EXOC5: variants seen among roughly 807,000 people sequenced by gnomAD.
EXOC5 encodes SEC10-like 1.
In EXOC5, 17 loss-of-function variants were observed where a neutral mutation model predicts 90.8. That is an observed-to-expected ratio of 0.19 (90% CI 0.13 to 0.28). EXOC5 has a LOEUF of 0.28. Ranked by LOEUF, EXOC5 falls within the 10% of genes least tolerant of loss-of-function variation. The probability of loss-of-function intolerance (pLI) is 1.00; values close to 1 mark genes in which losing one functional copy is unlikely to be tolerated. For synonymous variants in EXOC5, 260 were observed against 270.0 expected, an observed-to-expected ratio of 0.96 and a Z score of 0.36; for missense variants, 569 against 830.6, an observed-to-expected ratio of 0.69 and a Z score of 3.87.
rs1038158153 is a variant in EXOC5, at chr14:57,203,914, G to A, written c.*4695C>T. The A allele has an allele frequency of 1.3e-5, 2 of 152,530 alleles. No individual in the cohort carries two copies. Among genetic ancestry groups the A allele is most frequent in the Non-Finnish European group, 2.9e-5 (2 of 68,006 alleles). The allele number at this position is 152,530 out of a possible 1,614,324, so 9.4% of individuals were successfully genotyped here. ...ATCCATTCCACCTGCTCAAATATTA[G>A]TGCAAATAATTATATATTTGTAATG... On this transcript the variant is annotated 3_prime_UTR_variant, in exon 18 of 18. Transcript: ENST00000621441.
intron 15 of EXOC5, among the ~76,000 whole-genome samples, chr14:57,217,135 G>A (rs1213973591): frequency 6.6e-6 from 1 of 152,182 alleles, no homozygotes; most frequent in Non-Finnish European, 1.5e-5. Flanking sequence ...GCAGGTAAAA[G>A]AGGACATTTG....
chr14:57,228,851 A>T (rs1883393507), intron 12 of EXOC5, among the ~76,000 whole-genome samples: 1 of 148,580 alleles, frequency 6.7e-6, no homozygotes, highest in Non-Finnish European at 1.5e-5. Flanking sequence ...AACTTAAAGT[A>T]TAAAAAAAAA....
intron 12 of EXOC5, among the ~76,000 whole-genome samples, chr14:57,228,211 T>C (rs1883369077): frequency 1.3e-5 from 2 of 152,106 alleles, no homozygotes; most frequent in South Asian, 4.1e-4. Context: ...CAACAAATGC[T>C]GGAGAGGATG....
At chr14:57,262,572 ATATACG>A (rs1884536306) in intron 1 of EXOC5, among the ~76,000 whole-genome samples, 1 of 147,798 alleles carries the variant, frequency 6.8e-6, no homozygotes, top group African/African-American at 2.5e-5. Flanking sequence ...GTGTATATAT[ATATACG>A]TATATATATA....
intron 15 of EXOC5, among the ~76,000 whole-genome samples, chr14:57,213,389 AT>A (rs565177994): frequency 6.6e-6 from 1 of 150,978 alleles, no homozygotes; most frequent in African/African-American, 2.4e-5. Flanking sequence ...CTCTAAACAA[AT>A]TTTTTTTTAT....
chr14:57,240,604 G>T (rs991840551), intron 4 of EXOC5, among the ~76,000 whole-genome samples: 1 of 151,866 alleles, frequency 6.6e-6, no homozygotes, highest in Non-Finnish European at 1.5e-5. Flanking sequence ...ATTTATTCAA[G>T]TTGTGGAACT....
chr14:57,246,947 A>G (rs1358833830), intron 2 of EXOC5, 89 bp from the exon 3 acceptor site: 51 of 716,560 alleles, frequency 7.1e-5, no homozygotes. Context: ...AGTCTTAATA[A>G]GAAGAGTTCC....
intron 2 of EXOC5, among the ~76,000 whole-genome samples, chr14:57,247,382 T>C (rs1884061688): frequency 6.6e-6 from 1 of 152,180 alleles, no homozygotes; most frequent in Non-Finnish European, 1.5e-5. Flanking sequence ...AGAAGAAATG[T>C]CAAATTCTTA....
intron 11 of EXOC5, 67 bp downstream of exon 11, chr14:57,231,439 T>C: frequency 9.8e-7 from 1 of 1,020,802 alleles, no homozygotes. Flanking sequence ...ATTTGATAAT[T>C]TGCCCAAATA....
chr14:57,221,474 A>C (rs1256625090), intron 13 of EXOC5, among the ~76,000 whole-genome samples: 1 of 152,186 alleles, frequency 6.6e-6, no homozygotes, highest in Admixed American at 6.6e-5. Context: ...ACACAGGGAG[A>C]CCAGTTACAA....
rs1254947987 is a variant in EXOC5 at position 57,210,077 on chromosome 14, T to G, written c.1614-16A>C. ...ATTTAATGTCCTAGAGAATTGAGAATACAACATTCTTTAACCCATCTAACT... is the reference window on the plus strand; with the variant it reads ...ATTTAATGTCCTAGAGAATTGAGAAGACAACATTCTTTAACCCATCTAACT... On this transcript the variant is annotated splice_polypyrimidine_tract_variant and intron_variant, in intron 15 of 17. Coordinates refer to ENST00000621441, the MANE Select transcript of EXOC5 (RefSeq NM_006544.4). 3.2e-6 allele frequency: 4 copies of G among 1,256,108 alleles called. No homozygotes were observed. In the African/African-American group the frequency reaches 5.9e-5, roughly 18 times the overall value. 77.8% of individuals were successfully genotyped at this position (1,256,108 alleles called of 1,614,324 possible). A position where few individuals can be genotyped will look rare whatever the true frequency, so the allele number is the denominator to read the frequency against.
At chr14:57,264,124 T>C (rs146584178) in intron 1 of EXOC5, among the ~76,000 whole-genome samples, 53 of 152,336 alleles carry the variant, frequency 3.5e-4, no homozygotes, top group African/African-American at 1.3e-3. Flanking sequence ...GGCCTACAGA[T>C]TCATTCAACG....
intron 1 of EXOC5, among the ~76,000 whole-genome samples, chr14:57,257,890 T>C (rs546251654): frequency 6.6e-6 from 1 of 152,304 alleles, no homozygotes; most frequent in East Asian, 1.9e-4. Flanking sequence ...AAAAAAATTT[T>C]TAAATCCTTC....
At chr14:57,238,636 G>T (rs1167808133) in intron 5 of EXOC5, among the ~76,000 whole-genome samples, 1 of 151,340 alleles carries the variant, frequency 6.6e-6, no homozygotes, top group East Asian at 1.9e-4. Flanking sequence ...CATAATGCTG[G>T]GCAACTACCA....
intron 12 of EXOC5, among the ~76,000 whole-genome samples, chr14:57,226,732 C>T (rs559553658): frequency 2.6e-5 from 4 of 152,158 alleles, no homozygotes; most frequent in East Asian, 1.9e-4. Context: ...TAATTCAGTG[C>T]GGAAAGGATA....
intron 6 of EXOC5, among the ~76,000 whole-genome samples, chr14:57,237,117 C>T (rs957424381): frequency 6.6e-6 from 1 of 151,812 alleles, no homozygotes; most frequent in Non-Finnish European, 1.5e-5. Flanking sequence ...GAATTTATGT[C>T]TTATGCTTGT....
At chr14:57,266,767 T>C (rs1884682613) in intron 1 of EXOC5, among the ~76,000 whole-genome samples, 1 of 150,396 alleles carries the variant, frequency 6.6e-6, no homozygotes, top group Non-Finnish European at 1.5e-5. Flanking sequence ...CGTATATATA[T>C]ACTACTTAAC....
At chr14:57,233,921 T>C in intron 8 of EXOC5, 38 bp from the exon 9 acceptor site, 1 of 1,600,532 alleles carries the variant, frequency 6.2e-7, no homozygotes, top group Non-Finnish European at 8.6e-7. Context: ...GAACATATAA[T>C]TTCTACATGA....
At chr14:57,256,414 G>C (rs2139664737) in intron 1 of EXOC5, among the ~76,000 whole-genome samples, 1 of 152,276 alleles carries the variant, frequency 6.6e-6, no homozygotes, top group East Asian at 1.9e-4. Flanking sequence ...ATCGATAGTA[G>C]AGGTGAGAGA....
Sources: gnomAD v4.1 joint callset for allele counts (sites outside exome capture counted in the v4.1 genomes callset) on GRCh38, gnomAD v4.1.1 for gene constraint, MANE v1.5 for transcripts, NCBI Gene and HGNC (gene_info 2026-07-23, HGNC 2026-07-21) for gene names.